The following UBE2W variants were observed in gnomAD, a reference collection of about 807,000 sequenced individuals.
UBE2W encodes the protein ubiquitin conjugating enzyme E2 W.
A neutral mutation model predicts 27.2 loss-of-function variants in UBE2W; 18 were observed. The ratio of observed to expected loss-of-function variants is 0.66; its 90% CI spans 0.46 to 0.98. UBE2W has a LOEUF of 0.98. Among genes scored for constraint, UBE2W ranks in the 50% least tolerant of loss-of-function variants. UBE2W has a pLI of 0.00. For missense variants in UBE2W, 90 were observed against 180.2 expected (o/e 0.50, Z 2.87); for synonymous variants, 53 against 57.2 (o/e 0.93, Z 0.33).
chr8:73,793,363 C>T lies in UBE2W; in HGVS notation c.*739G>A, dbSNP rs1808282242. 3 of 985,770 alleles carry T rather than the reference C, an allele frequency of 3.0e-6. No individual in the cohort carries two copies. Among genetic ancestry groups the T allele is most frequent in the African/African-American group, 3.5e-5 (2 of 57,332 alleles). The allele number at this position is 985,770 out of a possible 1,614,324, so 61.1% of individuals were successfully genotyped here. A position where few individuals can be genotyped will look rare whatever the true frequency, so the allele number is the denominator to read the frequency against. On this transcript the variant is annotated 3_prime_UTR_variant, in exon 6 of 6. Transcript: ENST00000602593. ...CATTCATACCCTATATTACTCATAC[C>T]TTTACTTCAGAGATTGAGGAACTAT...
chr8:73,815,107 T>A (rs1809332919), intron 3 of UBE2W, among the ~76,000 whole-genome samples: 1 of 152,198 alleles, frequency 6.6e-6, no homozygotes, highest in Non-Finnish European at 1.5e-5. Context: ...TTGGGGATGG[T>A]GACTCACACC....
chr8:73,811,434 C>G (rs1049835098), intron 3 of UBE2W, among the ~76,000 whole-genome samples: 1 of 152,098 alleles, frequency 6.6e-6, no homozygotes, highest in Non-Finnish European at 1.5e-5. Context: ...AGAATAAATT[C>G]ATATATCCTG....
intron 3 of UBE2W, 47 bp downstream of exon 3, chr8:73,825,100 T>C: frequency 1.7e-6 from 2 of 1,186,858 alleles, no homozygotes; most frequent in Non-Finnish European, 2.4e-6. Flanking sequence ...CTCTGGCATT[T>C]AGCTATCTAA....
chr8:73,796,667 T>G lies in UBE2W; in HGVS notation c.443-2552A>C, dbSNP rs575436284. ...TGTAACAGCTAGATCAACAGGGACTTGCGGGACTACGAATCCATGATGGCT... is the reference window on the plus strand; with the variant it reads ...TGTAACAGCTAGATCAACAGGGACTGGCGGGACTACGAATCCATGATGGCT... On this transcript the variant is annotated intron_variant, in intron 5 of 5. Transcript: ENST00000602593. 5.1e-5 allele frequency: 50 copies of G among 985,020 alleles called. No individual in the cohort carries two copies. In the South Asian group the frequency reaches 2.1e-3, roughly 41 times the overall value. The allele number at this position is 985,020 out of a possible 1,614,324, so 61.0% of individuals were successfully genotyped here. A position where few individuals can be genotyped will look rare whatever the true frequency, so the allele number is the denominator to read the frequency against.
intron 5 of UBE2W, among the ~76,000 whole-genome samples, chr8:73,802,354 C>A (rs1412286078): frequency 1.3e-5 from 2 of 152,114 alleles, no homozygotes; most frequent in Non-Finnish European, 2.9e-5. Context: ...CTGAGCTGCA[C>A]TTTTTTGCCT....
chr8:73,785,419 A>G (rs570737144), downstream of UBE2W, among the ~76,000 whole-genome samples: 8 of 152,212 alleles, frequency 5.3e-5, no homozygotes, highest in South Asian at 1.5e-3. Context: ...CTGGGATTAC[A>G]GGTATAAGCC....
intron 1 of UBE2W, among the ~76,000 whole-genome samples, chr8:73,878,232 G>A (rs1246046062): frequency 1.3e-5 from 2 of 152,350 alleles, no homozygotes; most frequent in Middle Eastern, 3.4e-3. Context: ...GATACCCACG[G>A]GCACAGGATT....
At chr8:73,835,138 G>C (rs1437169878) in intron 1 of UBE2W, among the ~76,000 whole-genome samples, 1 of 150,968 alleles carries the variant, frequency 6.6e-6, no homozygotes, top group Non-Finnish European at 1.5e-5. Flanking sequence ...ACTACCAAGC[G>C]AAACACAAGA....
intron 1 of UBE2W, among the ~76,000 whole-genome samples, chr8:73,841,784 C>G (rs1405020348): frequency 6.6e-6 from 1 of 152,144 alleles, no homozygotes; most frequent in Non-Finnish European, 1.5e-5. Flanking sequence ...AGATTTCAAA[C>G]AAATCCAATA....
intron 1 of UBE2W, among the ~76,000 whole-genome samples, chr8:73,871,522 T>C (rs144432025): frequency 1.6e-3 from 246 of 152,326 alleles, no homozygotes; most frequent in African/African-American, 5.7e-3. Context: ...TTATCTCTAA[T>C]GAAGTTTTAC....
chr8:73,874,400 C>G (rs972677233), intron 1 of UBE2W, among the ~76,000 whole-genome samples: 11 of 152,142 alleles, frequency 7.2e-5, no homozygotes, highest in Non-Finnish European at 1.5e-4. Flanking sequence ...CCACTGCACT[C>G]CAGCCTGGGC....
chr8:73,830,274 G>T, intron 2 of UBE2W, 107 bp downstream of exon 2: 1 of 780,288 alleles, frequency 1.3e-6, no homozygotes, highest in Non-Finnish European at 2.1e-6. Flanking sequence ...TTTACCTCTT[G>T]GTGAAAGAAT....
At chr8:73,821,100 A>AT (rs1455912264) in intron 3 of UBE2W, among the ~76,000 whole-genome samples, 1 of 152,106 alleles carries the variant, frequency 6.6e-6, no homozygotes, top group African/African-American at 2.4e-5. Context: ...ATAAATAGGC[A>AT]TTTTTTCCAC....
At position 73,805,734 on chromosome 8, in the gene UBE2W, A is replaced by G. The variant is rs1383346254; in HGVS notation, c.367-8T>C. 1 of 1,491,830 alleles carries G rather than the reference A, an allele frequency of 6.7e-7. No homozygotes were observed. The highest frequency in any genetic ancestry group is 2.3e-5 in the East Asian group (1 of 42,642). 92.4% of individuals were successfully genotyped at this position (1,491,830 alleles called of 1,614,324 possible). ...ATTATCCGGTGGTCGTCTCTGAAAC[A>G]AAAAATAATTTAAATAGGTTGAAAA... On this transcript the variant is annotated splice_region_variant and splice_polypyrimidine_tract_variant and intron_variant, in intron 4 of 5. Coordinates refer to ENST00000602593, the MANE Select transcript of UBE2W (RefSeq NM_018299.6).
chr8:73,807,314 T>C (rs1017750179), intron 4 of UBE2W, among the ~76,000 whole-genome samples: 3 of 152,182 alleles, frequency 2.0e-5, no homozygotes, highest in African/African-American at 7.2e-5. Flanking sequence ...CTGAGGCTAA[T>C]GAAAATAAGT....
At chr8:73,828,163 T>C (rs1809929747) in intron 2 of UBE2W, among the ~76,000 whole-genome samples, 1 of 152,184 alleles carries the variant, frequency 6.6e-6, no homozygotes, top group Non-Finnish European at 1.5e-5. Context: ...TTAACACCCG[T>C]GAGTACCTAG....
chr8:73,822,069 C>T (rs558339759), intron 3 of UBE2W, among the ~76,000 whole-genome samples: 4 of 152,152 alleles, frequency 2.6e-5, no homozygotes, highest in African/African-American at 4.8e-5. Flanking sequence ...TCAAATGGAG[C>T]CCCAGACAGT....
In UBE2W at chr8:73,789,675, G is replaced by C. The variant is rs1031055267; in HGVS notation, c.*4427C>G. On this transcript the variant is annotated 3_prime_UTR_variant, in exon 6 of 6. Transcript: ENST00000602593. ...AGCCTGGCCAACACGGTGAAACCTT[G>C]TCTCTACTAAAAATTAGTCAGGTGT... is the stretch of plus-strand genomic sequence containing the variant. 1 of 157,610 alleles carries C rather than the reference G, an allele frequency of 6.3e-6. No homozygotes were observed. 9.8% of individuals were successfully genotyped at this position (157,610 alleles called of 1,614,324 possible).
chr8:73,799,139 A>C (rs1270078963), intron 5 of UBE2W, among the ~76,000 whole-genome samples: 1 of 152,166 alleles, frequency 6.6e-6, no homozygotes, highest in Non-Finnish European at 1.5e-5. Flanking sequence ...ATGTGCAGTC[A>C]CTATCAATAC....
Sources: gnomAD v4.1 joint callset for allele counts (sites outside exome capture counted in the v4.1 genomes callset) on GRCh38, gnomAD v4.1.1 for gene constraint, MANE v1.5 for transcripts, NCBI Gene and HGNC (gene_info 2026-07-23, HGNC 2026-07-21) for gene names.